The following COPZ1 variants were observed in gnomAD, a reference collection of about 807,000 sequenced individuals.
The protein encoded by COPZ1 is coatomer subunit zeta-1.
A neutral mutation model predicts 31.7 loss-of-function variants in COPZ1; 4 were observed. The observed-to-expected ratio is 0.13, with a 90% CI of 0.06 to 0.29. COPZ1 has a LOEUF of 0.29. Among genes scored for constraint, COPZ1 ranks in the 10% least tolerant of loss-of-function variants. The pLI is 1.00. For synonymous variants in COPZ1, 74 were observed against 79.0 expected (o/e 0.94, Z 0.33); for missense variants, 156 against 211.5 (o/e 0.74, Z 1.63).
rs142348533 is a variant in COPZ1, at chr12:54,333,743, C to A, written c.19-6804C>A. ...AATATCAAAACTCTTGTTGACTGTG[C>A]TTTACATGTTTTGGGTCTGTGTCAG... On this transcript the variant is annotated intron_variant, in intron 1 of 8. Transcript: ENST00000262061. Among the ~76,000 whole-genome samples, 5 of 152,208 alleles carry A rather than the reference C, an allele frequency of 3.3e-5. 1 individual carries two copies. The highest frequency in any genetic ancestry group is 1.2e-4 in the African/African-American group (5 of 41,530).
chr12:54,349,336 T>C (rs1954110979), intron 7 of COPZ1, among the ~76,000 whole-genome samples: 1 of 151,994 alleles, frequency 6.6e-6, no homozygotes, highest in Non-Finnish European at 1.5e-5. Context: ...GTTAAGGGAG[T>C]TGAGGATCAG....
intron 1 of COPZ1, among the ~76,000 whole-genome samples, chr12:54,331,302 TC>T (rs1953748422): frequency 6.8e-6 from 1 of 147,742 alleles, no homozygotes; most frequent in South Asian, 2.3e-4. Context: ...TTCCTCCGCC[TC>T]CCGAGTAGTT....
At chr12:54,333,395 C>T (rs1373541175) in intron 1 of COPZ1, among the ~76,000 whole-genome samples, 2 of 152,098 alleles carry the variant, frequency 1.3e-5, no homozygotes, top group East Asian at 3.8e-4. Context: ...GGAATAAGGT[C>T]CATAGATGTA....
chr12:54,326,780 T>C (rs1384053354), intron 1 of COPZ1, among the ~76,000 whole-genome samples: 5 of 151,058 alleles, frequency 3.3e-5, no homozygotes, highest in Non-Finnish European at 7.4e-5. Context: ...TCTTTTATTT[T>C]CCTTCAGATC....
chr12:54,340,483 G>T (rs1422408838), intron 1 of COPZ1, 64 bp from the exon 2 acceptor site: 8 of 1,603,590 alleles, frequency 5.0e-6, no homozygotes, highest in Admixed American at 1.7e-5. Flanking sequence ...ACTAGGGGAA[G>T]GTATCTGGTT....
chr12:54,339,721 A>G (rs1004413720), intron 1 of COPZ1, among the ~76,000 whole-genome samples: 1 of 152,164 alleles, frequency 6.6e-6, no homozygotes, highest in African/African-American at 2.4e-5. Context: ...AGAACCATTA[A>G]GACTGAGGCC....
At position 54,325,194 on chromosome 12, in the gene COPZ1, G is replaced by C. The variant is rs1039777534; in HGVS notation, c.18+13G>C. On this transcript the variant is annotated intron_variant, in intron 1 of 8. Transcript: ENST00000262061. ...GGCGCTGATTTTGGTAGGAGCTGGA[G>C]GGGCAGCAGAGATGCTGTGGTGTCC... 10 of 1,558,530 alleles carry C rather than the reference G, an allele frequency of 6.4e-6. No individual in the cohort carries two copies. The highest frequency in any genetic ancestry group is 1.4e-5 in the African/African-American group (1 of 73,362).
At chr12:54,342,322 G>A (rs376865585) in intron 3 of COPZ1, 35 bp downstream of exon 3, 1 of 1,494,270 alleles carries the variant, frequency 6.7e-7, no homozygotes, top group Admixed American at 1.7e-5. Flanking sequence ...ACCCGTGCTG[G>A]GGGGAACCAT....
chr12:54,334,029 G>A (rs140487780), intron 1 of COPZ1, among the ~76,000 whole-genome samples: 87 of 152,170 alleles, frequency 5.7e-4, no homozygotes, highest in African/African-American at 2.1e-3. Flanking sequence ...CTGGGAGGTT[G>A]AGGCTGCAGT....
intron 2 of COPZ1, among the ~76,000 whole-genome samples, chr12:54,341,936 G>A (rs1288216034): frequency 6.6e-6 from 1 of 152,206 alleles, no homozygotes; most frequent in African/African-American, 2.4e-5. Context: ...CAGCTGCAGA[G>A]CCTCACTGTA....
At chr12:54,325,439 T>C (rs946878508) in intron 1 of COPZ1, 3 of 504,690 alleles carry the variant, frequency 5.9e-6, no homozygotes, top group African/African-American at 3.9e-5. Context: ...TACACAGACC[T>C]GTAGGCGTAC....
At chr12:54,325,376 G>T (rs1323624966) in intron 1 of COPZ1, 195 bp downstream of exon 1, 16 of 703,164 alleles carry the variant, frequency 2.3e-5, no homozygotes, top group Non-Finnish European at 3.0e-5. Flanking sequence ...CCCTGCCGGG[G>T]AGAGGGCATA....
chr12:54,342,271 G>A lies in COPZ1; in HGVS notation c.153G>A (p.Lys51=), dbSNP rs141654583. 6.2e-7 allele frequency: 1 copy of A among 1,613,764 alleles called. No individual in the cohort carries two copies. The change falls in exon 3 of 9, where the codon AAG becomes AAA. Residue 51 remains lysine (K), a synonymous_variant. Transcript: ENST00000262061. The part of the protein sequence containing the change: ...QKAFEKNIFN[K]THRTDSEIAL... ...CCTTTGAGAAGAACATTTTCAACAA[G>A]ACCCATCGGACTGACAGTAGGTCAT...
At position 54,345,536 on chromosome 12, in the gene COPZ1, T is replaced by C. The variant is rs1377069574; in HGVS notation, c.317+21T>C. On this transcript the variant is annotated intron_variant, in intron 5 of 8. Coordinates refer to ENST00000262061, the MANE Select transcript of COPZ1 (RefSeq NM_016057.3). ...CTGAGGTGAGCAGGACATTCTTTTT[T>C]TTCCCCTCAAGTTATGATGGAAAGA... is the stretch of plus-strand genomic sequence containing the variant. 1.9e-6 allele frequency: 3 copies of C among 1,597,446 alleles called. No individual in the cohort carries two copies. The East Asian group carries it at 6.7e-5, about 36-fold the overall frequency.
At chr12:54,337,107 C>CTGTCTTGAGGACAGCATTCTTGT in intron 1 of COPZ1, 1 of 502,460 alleles carries the variant, frequency 2.0e-6, no homozygotes, top group Admixed American at 2.3e-5. Flanking sequence ...GGTGTTTCAC[C>CTGTCTTGAGGACAGCATTCTTGT]TGTCTTGAGG....
At chr12:54,336,162 G>T (rs1393725547) in intron 1 of COPZ1, among the ~76,000 whole-genome samples, 2 of 152,082 alleles carry the variant, frequency 1.3e-5, no homozygotes, top group African/African-American at 2.4e-5. Context: ...TTACCCCAAA[G>T]AGTTCTCTTA....
intron 7 of COPZ1, 103 bp downstream of exon 7, chr12:54,348,154 T>C (rs1954095553): frequency 1.1e-6 from 1 of 932,960 alleles, no homozygotes; most frequent in Non-Finnish European, 1.7e-6. Context: ...ATAGGATACA[T>C]ACAACCTTCT....
At chr12:54,329,805 G>A (rs1176431795) in intron 1 of COPZ1, among the ~76,000 whole-genome samples, 1 of 152,104 alleles carries the variant, frequency 6.6e-6, no homozygotes, top group African/African-American at 2.4e-5. Flanking sequence ...AGTGCACAAG[G>A]ATATGAGTAT....
chr12:54,332,274 G>A (rs975428350), intron 1 of COPZ1, among the ~76,000 whole-genome samples: 4 of 151,298 alleles, frequency 2.6e-5, no homozygotes, highest in African/African-American at 9.7e-5. Flanking sequence ...GTGAGCCACT[G>A]CACTCCAGCT....
Sources: gnomAD v4.1 joint callset for allele counts (sites outside exome capture counted in the v4.1 genomes callset) on GRCh38, gnomAD v4.1.1 for gene constraint, MANE v1.5 for transcripts, NCBI Gene and HGNC (gene_info 2026-07-23, HGNC 2026-07-21) for gene names.